The following GABPB1 variants were observed in gnomAD, a reference collection of about 807,000 sequenced individuals.
The protein encoded by GABPB1 is GA-binding protein subunit beta-1.
A neutral mutation model predicts 45.9 loss-of-function variants in GABPB1; 15 were observed. The observed-to-expected ratio is 0.33, with a 90% CI of 0.22 to 0.50. GABPB1 has a LOEUF of 0.50. Ranked by LOEUF, GABPB1 falls within the 20% of genes least tolerant of loss-of-function variation. The pLI is 0.98. For synonymous variants in GABPB1, 143 were observed against 154.4 expected (o/e 0.93, Z 0.55); for missense variants, 252 against 457.5 (o/e 0.55, Z 4.10).
chr15:50,278,407 T>TA lies in GABPB1; in HGVS notation c.*224dup, dbSNP rs896514816. ...ATCTTTATCAACTCATTTGGAACTG[T>TA]AAAAAAAAAAAAACTATTTACAGAA... On this transcript the variant is annotated 3_prime_UTR_variant, in exon 9 of 9. Transcript: ENST00000380877. 0.087 allele frequency: 24,224 copies of TA among 278,778 alleles called. No individual in the cohort carries two copies. Among genetic ancestry groups the TA allele is most frequent in the East Asian group, 0.12 (1,883 of 16,080 alleles). 17.3% of individuals were successfully genotyped at this position (278,778 alleles called of 1,614,324 possible). A position where few individuals can be genotyped will look rare whatever the true frequency, so the allele number is the denominator to read the frequency against.
At chr15:50,340,658 A>AT (rs1211728338) in intron 1 of GABPB1, among the ~76,000 whole-genome samples, 2 of 150,806 alleles carry the variant, frequency 1.3e-5, no homozygotes, top group Non-Finnish European at 2.9e-5. Flanking sequence ...GAACTTCCTC[A>AT]TTTTTTTATA....
intron 7 of GABPB1, among the ~76,000 whole-genome samples, chr15:50,286,975 C>A (rs2046183387): frequency 6.6e-6 from 1 of 152,016 alleles, no homozygotes; most frequent in Admixed American, 6.6e-5. Context: ...ATGAAAAACT[C>A]TCTTAGTGAC....
At chr15:50,322,932 G>C (rs1167078800) in intron 1 of GABPB1, among the ~76,000 whole-genome samples, 1 of 152,170 alleles carries the variant, frequency 6.6e-6, no homozygotes, top group Admixed American at 6.5e-5. Flanking sequence ...CGGAGGCTAA[G>C]ATGACAGAAT....
intron 8 of GABPB1, among the ~76,000 whole-genome samples, chr15:50,282,560 G>GAAAAGAAAAAAAAAAAAA: frequency 1.1e-5 from 1 of 89,024 alleles, no homozygotes; most frequent in South Asian, 4.4e-4. Flanking sequence ...CCTTAAAAAA[G>GAAAAGAAAAAAAAAAAAA]AAAAAAAAAA....
intron 3 of GABPB1, 97 bp from the exon 4 acceptor site, chr15:50,303,220 A>AC (rs2046819826): frequency 1.1e-6 from 1 of 920,298 alleles, no homozygotes; most frequent in Admixed American, 2.5e-5. Flanking sequence ...AGCAAGAACA[A>AC]ATAATGTAGT....
At chr15:50,319,218 A>G (rs774948870) in intron 1 of GABPB1, among the ~76,000 whole-genome samples, 16 of 152,232 alleles carry the variant, frequency 1.1e-4, no homozygotes, top group Non-Finnish European at 1.9e-4. Flanking sequence ...TAGGATTTTC[A>G]TAAGAAGGCT....
chr15:50,315,257 G>A (rs779018298), intron 1 of GABPB1, among the ~76,000 whole-genome samples: 12 of 151,956 alleles, frequency 7.9e-5, no homozygotes, highest in African/African-American at 1.2e-4. Context: ...TCAGTCTCCC[G>A]AGTAGCTGCA....
At chr15:50,336,736 G>C (rs1349553800) in intron 1 of GABPB1, among the ~76,000 whole-genome samples, 1 of 151,692 alleles carries the variant, frequency 6.6e-6, no homozygotes. Flanking sequence ...AGTTAGGTAT[G>C]TCAAGAATGC....
chr15:50,346,155 T>C (rs961947477), intron 1 of GABPB1, among the ~76,000 whole-genome samples: 1 of 152,128 alleles, frequency 6.6e-6, no homozygotes, highest in Non-Finnish European at 1.5e-5. Flanking sequence ...TGATTTGTCA[T>C]GGTTACAATG....
chr15:50,339,078 A>G (rs1011510391), intron 1 of GABPB1, among the ~76,000 whole-genome samples: 4 of 152,156 alleles, frequency 2.6e-5, no homozygotes, highest in African/African-American at 9.7e-5. Flanking sequence ...CAAGACGGGC[A>G]GATCACTCAG....
At chr15:50,299,843 G>T (rs565344862) in intron 6 of GABPB1, among the ~76,000 whole-genome samples, 4 of 151,636 alleles carry the variant, frequency 2.6e-5, no homozygotes, top group African/African-American at 9.7e-5. Flanking sequence ...TTGAGGCAGG[G>T]TCTCATTCAG....
intron 1 of GABPB1, among the ~76,000 whole-genome samples, chr15:50,335,010 T>C (rs1466666099): frequency 6.6e-6 from 1 of 152,154 alleles, no homozygotes; most frequent in South Asian, 2.1e-4. Context: ...CCTTAAAAAA[T>C]TGTGGGGAGG....
At chr15:50,283,507 T>G (rs2046056319) in intron 8 of GABPB1, among the ~76,000 whole-genome samples, 1 of 151,340 alleles carries the variant, frequency 6.6e-6, no homozygotes, top group Admixed American at 6.6e-5. Flanking sequence ...CATAAATTTT[T>G]AGCACCTTAT....
In GABPB1 at chr15:50,304,040, TTCTGGCATC is replaced by T. The variant is rs1376451161; in HGVS notation, c.193_201del (p.Asp65_Arg67del). ...TGTAATGGTGTTCGGTCCACTTTGG[TTCTGGCATC>T]TCTGCTCACACCAGCTCGCAGCAGT... On this transcript the variant is annotated inframe_deletion, in exon 3 of 9. Coordinates refer to ENST00000380877, the MANE Select transcript of GABPB1 (RefSeq NM_016654.5). 6.2e-7 allele frequency: 1 copy of T among 1,613,692 alleles called. No individual in the cohort carries two copies. Among genetic ancestry groups the T allele is most frequent in the Non-Finnish European group, 8.5e-7 (1 of 1,179,858 alleles).
chr15:50,289,635 G>T lies in GABPB1; in HGVS notation c.731C>A (p.Ser244Tyr), dbSNP rs1392642759. ...VATEEVVTAE[S>Y]VDGAIQQVVS... ...TACTTGCTGAATGGCACCATCCACA[G>T]ATTCTGCAGTAACTACTTCTTCTGT... is the stretch of plus-strand genomic sequence containing the variant. The change falls in exon 7 of 9, where the codon TCT becomes TAT. Residue 244 changes from serine to tyrosine, a missense_variant. Coordinates refer to ENST00000380877, the MANE Select transcript of GABPB1 (RefSeq NM_016654.5). 2 of 1,610,314 alleles carry T rather than the reference G, an allele frequency of 1.2e-6. No individual in the cohort carries two copies. Among genetic ancestry groups the T allele is most frequent in the Non-Finnish European group, 1.7e-6 (2 of 1,178,956 alleles).
At chr15:50,302,555 A>G (rs1300779505) in intron 4 of GABPB1, among the ~76,000 whole-genome samples, 1 of 146,014 alleles carries the variant, frequency 6.8e-6, no homozygotes, top group Admixed American at 7.2e-5. Flanking sequence ...GGGGCAGGAG[A>G]ATTGCTTGAA....
rs1415832331 is a variant in GABPB1, at chr15:50,277,018, T to C, written c.*1614A>G. The C allele has an allele frequency of 1.3e-5, 2 of 152,202 alleles. No individual in the cohort carries two copies. The highest frequency in any genetic ancestry group is 6.5e-5 in the Admixed American group (1 of 15,282). 9.4% of individuals were successfully genotyped at this position (152,202 alleles called of 1,614,324 possible). On this transcript the variant is annotated 3_prime_UTR_variant, in exon 9 of 9. Coordinates refer to ENST00000380877, the MANE Select transcript of GABPB1 (RefSeq NM_016654.5). The stretch of plus-strand genomic sequence containing the variant: ...TTCTTCAATTTGCCCTAAACTCTTT[T>C]TTAAGTGCTTCCAATAGTAACCATC...
At chr15:50,352,092 GCTA>G (rs1366327549) in intron 1 of GABPB1, 3 of 152,218 alleles carry the variant, frequency 2.0e-5, no homozygotes, top group Non-Finnish European at 4.4e-5. Context: ...CTGAACTCAG[GCTA>G]CTTGCAAACA....
intron 6 of GABPB1, among the ~76,000 whole-genome samples, chr15:50,300,142 T>C (rs2046675524): frequency 6.6e-6 from 1 of 152,182 alleles, no homozygotes; most frequent in Non-Finnish European, 1.5e-5. Context: ...CACAAACTAG[T>C]AAATCAAGAG....
Sources: allele counts gnomAD v4.1 joint callset (sites outside exome capture counted in the v4.1 genomes callset), GRCh38; gene constraint gnomAD v4.1.1; transcripts MANE v1.5; gene names NCBI Gene and HGNC (gene_info 2026-07-23, HGNC 2026-07-21).